The following EXOC6B variants were observed in gnomAD, a reference collection of about 807,000 sequenced individuals.
EXOC6B encodes the protein exocyst complex component 6B, also known as SEC15 homolog B.
EXOC6B carries 54 observed loss-of-function variants against 113.5 expected under a neutral mutation model. That is an observed-to-expected ratio of 0.48 (90% CI 0.38 to 0.60). The LOEUF is 0.60. EXOC6B is among the 20% of genes least tolerant of loss of function. EXOC6B has a pLI of 0.00. For missense variants in EXOC6B, 797 were observed against 977.5 expected, an observed-to-expected ratio of 0.82 and a Z score of 2.46; for synonymous variants, 357 against 339.0, an observed-to-expected ratio of 1.05 and a Z score of -0.58.
At chr2:72,598,119 G>A (rs1670191381) in intron 6 of EXOC6B, among the ~76,000 whole-genome samples, 1 of 151,866 alleles carries the variant, frequency 6.6e-6, no homozygotes, top group Non-Finnish European at 1.5e-5. Context: ...AATAACAGCA[G>A]AATACACACT....
chr2:72,332,543 G>C (rs1688470496), intron 20 of EXOC6B, among the ~76,000 whole-genome samples: 1 of 152,094 alleles, frequency 6.6e-6, no homozygotes, highest in Non-Finnish European at 1.5e-5. Context: ...TTAAGGTTAA[G>C]TGAGACAGAT....
intron 8 of EXOC6B, among the ~76,000 whole-genome samples, chr2:72,523,366 T>C (rs1701589092): frequency 6.6e-6 from 1 of 152,186 alleles, no homozygotes; most frequent in East Asian, 1.9e-4. Context: ...CTCTAAACAT[T>C]AGTGGCATCT....
At chr2:72,804,742 C>T (rs1309720268) in intron 1 of EXOC6B, among the ~76,000 whole-genome samples, 7 of 151,874 alleles carry the variant, frequency 4.6e-5, no homozygotes, top group African/African-American at 1.5e-4. Flanking sequence ...ATTACAGGCA[C>T]GCACCACCAC....
At position 72,797,850 on chromosome 2, in the gene EXOC6B, A is replaced by T. The variant is rs887982253; in HGVS notation, c.113+27948T>A. ...AATTAATTAATTAATAATAATAATT[A>T]TCAGCATATGAAGAATTTTGTTTCA... is the stretch of plus-strand genomic sequence containing the variant. On this transcript the variant is annotated intron_variant, in intron 1 of 21. Coordinates refer to ENST00000272427, the MANE Select transcript of EXOC6B (RefSeq NM_015189.3). Among the ~76,000 whole-genome samples, 6 of 152,124 alleles carry T rather than the reference A, an allele frequency of 3.9e-5. No homozygotes were observed. In the Middle Eastern group the frequency reaches 0.01, roughly 259 times the overall value.
chr2:72,297,971 T>C (rs573139232), intron 20 of EXOC6B, among the ~76,000 whole-genome samples: 1 of 152,100 alleles, frequency 6.6e-6, no homozygotes, highest in Non-Finnish European at 1.5e-5. Flanking sequence ...TCTGTTGATT[T>C]GGGGTGGAGA....
intron 11 of EXOC6B, among the ~76,000 whole-genome samples, chr2:72,502,821 T>A (rs1472142957): frequency 6.6e-6 from 1 of 152,256 alleles, no homozygotes; most frequent in Non-Finnish European, 1.5e-5. Context: ...CTCTATTAGA[T>A]ACAACCAAAA....
chr2:72,503,372 C>A (rs1700430685), intron 11 of EXOC6B, among the ~76,000 whole-genome samples: 1 of 152,180 alleles, frequency 6.6e-6, no homozygotes, highest in African/African-American at 2.4e-5. Context: ...CTCCCAACCC[C>A]CAGGCAACAG....
intron 6 of EXOC6B, among the ~76,000 whole-genome samples, chr2:72,664,486 C>G (rs571480856): frequency 1.3e-5 from 2 of 152,184 alleles, no homozygotes; most frequent in Admixed American, 6.5e-5. Context: ...CATGACCCCC[C>G]ACAGACAGTT....
intron 8 of EXOC6B, among the ~76,000 whole-genome samples, chr2:72,549,433 A>C (rs999875685): frequency 6.6e-6 from 1 of 152,204 alleles, no homozygotes; most frequent in African/African-American, 2.4e-5. Flanking sequence ...GAGATGGAGT[A>C]AAACTGTATT....
chr2:72,366,754 A>C (rs1194195570), intron 19 of EXOC6B, among the ~76,000 whole-genome samples: 1 of 151,998 alleles, frequency 6.6e-6, no homozygotes, highest in East Asian at 1.9e-4. Context: ...AAACTATATC[A>C]ATCAAAAGAA....
intron 6 of EXOC6B, among the ~76,000 whole-genome samples, chr2:72,580,293 C>T (rs961411192): frequency 2.6e-5 from 4 of 151,768 alleles, no homozygotes; most frequent in African/African-American, 9.7e-5. Context: ...AGGCACGTGC[C>T]ACCATGCTCG....
chr2:72,808,956 T>A (rs745522742), intron 1 of EXOC6B, among the ~76,000 whole-genome samples: 69 of 152,036 alleles, frequency 4.5e-4, no homozygotes, highest in Non-Finnish European at 7.8e-4. Flanking sequence ...TCACAGCTAC[T>A]CAGGAGGCTG....
intron 18 of EXOC6B, among the ~76,000 whole-genome samples, chr2:72,441,201 A>G (rs1696179548): frequency 6.6e-6 from 1 of 152,216 alleles, no homozygotes; most frequent in Non-Finnish European, 1.5e-5. Flanking sequence ...AGAACTAACT[A>G]TAAAAATACA....
At chr2:72,289,848 T>C (rs1220680371) in intron 20 of EXOC6B, among the ~76,000 whole-genome samples, 1 of 152,116 alleles carries the variant, frequency 6.6e-6, no homozygotes, top group Non-Finnish European at 1.5e-5. Flanking sequence ...GATCACACCA[T>C]TGCACTTCAG....
At chr2:72,208,392 C>G (rs1396136499) in intron 20 of EXOC6B, among the ~76,000 whole-genome samples, 2 of 152,124 alleles carry the variant, frequency 1.3e-5, no homozygotes, top group Non-Finnish European at 2.9e-5. Flanking sequence ...TAGCTGCATC[C>G]ATGTTGCTGC....
chr2:72,802,502 T>C (rs556731620), intron 1 of EXOC6B, among the ~76,000 whole-genome samples: 4 of 152,150 alleles, frequency 2.6e-5, no homozygotes, highest in Non-Finnish European at 5.9e-5. Flanking sequence ...TTAAATAAAA[T>C]TATAAATGTA....
intron 19 of EXOC6B, among the ~76,000 whole-genome samples, chr2:72,356,847 G>C (rs1167871360): frequency 6.6e-6 from 1 of 152,102 alleles, no homozygotes; most frequent in East Asian, 1.9e-4. Flanking sequence ...CCCTTGCATT[G>C]TGGGGCCATT....
At chr2:72,264,436 T>C (rs1371580275) in intron 20 of EXOC6B, among the ~76,000 whole-genome samples, 2 of 152,114 alleles carry the variant, frequency 1.3e-5, no homozygotes, top group Admixed American at 1.3e-4. Context: ...CCAGGCGTGA[T>C]GGCAGGTGCC....
chr2:72,376,991 A>G (rs1691403529), intron 19 of EXOC6B, among the ~76,000 whole-genome samples: 1 of 151,984 alleles, frequency 6.6e-6, no homozygotes, highest in African/African-American at 2.4e-5. Context: ...TATGTCAAAA[A>G]CTCAAACTAA....
Sources: gnomAD v4.1 joint callset for allele counts (sites outside exome capture counted in the v4.1 genomes callset) on GRCh38, gnomAD v4.1.1 for gene constraint, MANE v1.5 for transcripts, NCBI Gene and HGNC (gene_info 2026-07-23, HGNC 2026-07-21) for gene names.